Variants in NLRP5 observed in about 807,000 individuals in gnomAD.
NLRP5 encodes NLR family pyrin domain containing 5, also known as NACHT, LRR and PYD domains-containing protein 5.
Under a neutral mutation model 113.1 loss-of-function variants are expected in NLRP5, and 93 were observed. The ratio of observed to expected loss-of-function variants is 0.82; its 90% CI spans 0.70 to 0.98. The LOEUF is 0.98. Ranked by LOEUF, NLRP5 falls within the 50% of genes least tolerant of loss-of-function variation. NLRP5 has a pLI of 0.00. For missense variants in NLRP5, 1,808 were observed against 1,514.3 expected, an observed-to-expected ratio of 1.19 and a Z score of -3.22; for synonymous variants, 751 against 600.7, an observed-to-expected ratio of 1.25 and a Z score of -3.66.
chr19:56,022,547 G>T (rs2123296224), intron 6 of NLRP5, among the ~76,000 whole-genome samples: 1 of 152,102 alleles, frequency 6.6e-6, no homozygotes, highest in Non-Finnish European at 1.5e-5. Flanking sequence ...CTATATAAAT[G>T]AACAAATTAC....
upstream of NLRP5, chr19:55,999,589 C>T: frequency 2.8e-6 from 2 of 702,258 alleles, no homozygotes; most frequent in South Asian, 3.1e-5. Flanking sequence ...ATGCTCTGTG[C>T]CAGCCCTTCC....
In NLRP5 at chr19:56,032,626, C is replaced by T. The variant is rs368313154; in HGVS notation, c.2292C>T (p.Thr764=). The T allele has an allele frequency of 4.3e-6, 7 of 1,613,354 alleles. No individual in the cohort carries two copies. Among genetic ancestry groups the T allele is most frequent in the Admixed American group, 3.3e-5 (2 of 59,936 alleles). The change falls in exon 8 of 15, where the codon ACC becomes ACT. Residue 764 remains threonine, a synonymous_variant. Coordinates refer to ENST00000390649, the MANE Select transcript of NLRP5 (RefSeq NM_153447.4). Reference sequence around the variant, plus strand: ...CCTGACATAGGATGCGGGATAAGACCCTCATTGAGGAGCAGTGGGAAGATT... The same window carrying T: ...CCTGACATAGGATGCGGGATAAGACTCTCATTGAGGAGCAGTGGGAAGATT...
chr19:55,987,780 C>T, the NLRP5 span: 4 of 1,520,600 alleles, frequency 2.6e-6, no homozygotes, highest in South Asian at 2.2e-5. Context: ...CAGAAAATAA[C>T]CTCAACCAGC....
rs928676962 is a variant in NLRP5 at position 56,015,782 on chromosome 19, A to T, written c.549A>T (p.Ala183=). 6.4e-7 allele frequency: 1 copy of T among 1,570,918 alleles called. No individual in the cohort carries two copies. Among genetic ancestry groups the T allele is most frequent in the African/African-American group, 1.3e-5 (1 of 74,076 alleles). The change falls in exon 4 of 15, where the codon GCA becomes GCT. Residue 183 remains alanine, a synonymous_variant. Coordinates refer to ENST00000390649, the MANE Select transcript of NLRP5 (RefSeq NM_153447.4). ...TGCAACAAGATAGTGCCACAGCTGC[A>T]GAGACAAAAGAACAAGGTGAATGAA... is the stretch of plus-strand genomic sequence containing the variant.
intron 11 of NLRP5, among the ~76,000 whole-genome samples, chr19:56,043,634 C>T (rs967078230): frequency 7.1e-6 from 1 of 140,156 alleles, no homozygotes; most frequent in Admixed American, 7.6e-5. Flanking sequence ...GGCGTGATCT[C>T]CGGTCACTGC....
At chr19:56,037,389 A>G (rs531360682) in intron 9 of NLRP5, among the ~76,000 whole-genome samples, 12 of 152,228 alleles carry the variant, frequency 7.9e-5, no homozygotes, top group African/African-American at 2.9e-4. Context: ...AAGCACTAAC[A>G]TAAGTATGTG....
intron 3 of NLRP5, among the ~76,000 whole-genome samples, chr19:56,015,170 G>C (rs1982355654): frequency 6.6e-6 from 1 of 152,096 alleles, no homozygotes; most frequent in Non-Finnish European, 1.5e-5. Context: ...GCCATTATAA[G>C]TGGAGTGTTT....
intron 3 of NLRP5, among the ~76,000 whole-genome samples, chr19:56,010,742 C>CCCAAAAAAAAAAAAAAA (rs1555764914): frequency 2.4e-5 from 1 of 41,276 alleles, no homozygotes; most frequent in African/African-American, 1.0e-4. Context: ...AACTCTGTCT[C>CCCAAAAAAAAAAAAAAA]AAAAAAAAAA....
chr19:56,057,102 C>A (rs1171782446), intron 13 of NLRP5, among the ~76,000 whole-genome samples: 1 of 152,188 alleles, frequency 6.6e-6, no homozygotes, highest in African/African-American at 2.4e-5. Flanking sequence ...TGCCACCACA[C>A]CCCAGCCTCA....
intron 2 of NLRP5, among the ~76,000 whole-genome samples, chr19:56,007,897 G>A (rs11879332): frequency 0.02 from 1,161 of 58,256 alleles, 160 homozygotes; most frequent in African/African-American, 0.052. Context: ...GTGCGCGTGC[G>A]CGCGTGCGTG....
chr19:56,048,370 T>G (rs1006154235), intron 11 of NLRP5, among the ~76,000 whole-genome samples: 10 of 152,210 alleles, frequency 6.6e-5, no homozygotes, highest in Admixed American at 2.0e-4. Context: ...TTGATGTGTT[T>G]CCAGGATTTG....
At position 56,050,468 on chromosome 19, in the gene NLRP5, C is replaced by G. The variant is rs182963698; in HGVS notation, c.3008C>G (p.Ala1003Gly). Residue 1003 changes from alanine to glycine, a missense_variant, in exon 12 of 15, where the codon GCG becomes GGG. By Grantham distance (60) the Ala-to-Gly change is moderately conservative. Transcript: ENST00000390649. ...GCTGGCTGTGGTTTTCTTGCACTTG[C>G]GCTTATGGGTAACTCATGGCTGACG... 10 of 1,613,700 alleles carry G rather than the reference C, an allele frequency of 6.2e-6. No individual in the cohort carries two copies. Among genetic ancestry groups the G allele is most frequent in the East Asian group, 4.5e-5 (2 of 44,880 alleles).
intron 3 of NLRP5, among the ~76,000 whole-genome samples, chr19:56,009,494 G>A (rs1295616651): frequency 6.6e-6 from 1 of 152,038 alleles, no homozygotes; most frequent in Non-Finnish European, 1.5e-5. Flanking sequence ...GAATCAGATA[G>A]CATGAAACCA....
At chr19:55,989,984 A>AGCCT in the NLRP5 span, among the ~76,000 whole-genome samples, 3 of 152,254 alleles carry the variant, frequency 2.0e-5, no homozygotes, top group Middle Eastern at 3.4e-3. Flanking sequence ...CTCACATGTC[A>AGCCT]AACGTAGTAC....
chr19:56,031,426 T>C (rs2574763), intron 7 of NLRP5, among the ~76,000 whole-genome samples: 88,203 of 151,546 alleles, frequency 0.58, 26,327 homozygotes, highest in African/African-American at 0.74. Context: ...GTCAGGAGTT[T>C]GAGACCAGCC....
chr19:56,052,995 G>A (rs1011171694), intron 12 of NLRP5, among the ~76,000 whole-genome samples: 2 of 152,234 alleles, frequency 1.3e-5, no homozygotes, highest in Non-Finnish European at 2.9e-5. Flanking sequence ...TACTGGGGAG[G>A]CTGAGGCAGG....
At chr19:56,000,744 A>G (rs10413050) in intron 1 of NLRP5, among the ~76,000 whole-genome samples, 41,025 of 150,524 alleles carry the variant, frequency 0.27, 5,780 homozygotes, top group Admixed American at 0.34. Context: ...GTGGTGGCTC[A>G]CGCCTATAAT....
chr19:56,059,435 A>G (rs1599917200), intron 14 of NLRP5, among the ~76,000 whole-genome samples: 2 of 152,362 alleles, frequency 1.3e-5, no homozygotes, highest in South Asian at 4.1e-4. Context: ...CTGAGCATGA[A>G]GGAACACAGT....
At position 56,038,131 on chromosome 19, in the gene NLRP5, G is replaced by T. The variant is rs199886442; in HGVS notation, c.2722G>T (p.Asp908Tyr). The T allele has an allele frequency of 6.2e-7, 1 of 1,614,002 alleles. No homozygotes were observed. Among genetic ancestry groups the T allele is most frequent in the Non-Finnish European group, 8.5e-7 (1 of 1,179,868 alleles). Residue 908 changes from aspartate to tyrosine, a missense_variant, in exon 10 of 15, where the codon GAC becomes TAC. Physicochemically the swap from Asp to Tyr is radical, Grantham distance 160. Coordinates refer to ENST00000390649, the MANE Select transcript of NLRP5 (RefSeq NM_153447.4). ...GAGCCTGGCAGGAAACAAGGTGACA[G>T]ACCAGGGAGTAATGCCTCTCAGTGA...
Sources: gnomAD v4.1 joint callset for allele counts (sites outside exome capture counted in the v4.1 genomes callset) on GRCh38, gnomAD v4.1.1 for gene constraint, MANE v1.5 for transcripts, NCBI Gene and HGNC (gene_info 2026-07-23, HGNC 2026-07-21) for gene names.